Variants in NEIL3 observed in about 807,000 individuals in gnomAD.
The protein encoded by NEIL3 is nei like DNA glycosylase 3.
Under a neutral mutation model 57.5 loss-of-function variants are expected in NEIL3, and 48 were observed. The observed-to-expected ratio is 0.83, with a 90% CI of 0.66 to 1.06. NEIL3 has a LOEUF of 1.06. Among genes scored for constraint, NEIL3 ranks in the 50% least tolerant of loss-of-function variants. The pLI is 0.00. For missense variants in NEIL3, 717 were observed against 739.1 expected, an observed-to-expected ratio of 0.97 and a Z score of 0.35; for synonymous variants, 261 against 253.2, an observed-to-expected ratio of 1.03 and a Z score of -0.29.
intron 2 of NEIL3, among the ~76,000 whole-genome samples, chr4:177,327,322 C>T (rs1488855665): frequency 2.6e-5 from 4 of 152,128 alleles, no homozygotes; most frequent in Admixed American, 2.0e-4. Context: ...TAGTTCTAGT[C>T]GCTTTTTCTT....
chr4:177,368,159 GA>G, the NEIL3 span, among the ~76,000 whole-genome samples: 1 of 152,006 alleles, frequency 6.6e-6, no homozygotes, highest in Non-Finnish European at 1.5e-5. Context: ...AAAATAAAGG[GA>G]AAAAATACAC....
intron 8 of NEIL3, among the ~76,000 whole-genome samples, chr4:177,359,292 T>C (rs957609901): frequency 6.6e-6 from 1 of 152,228 alleles, no homozygotes; most frequent in Non-Finnish European, 1.5e-5. Context: ...CAAATGGCTA[T>C]TGAAGAAACC....
chr4:177,349,095 G>A (rs1162207344), intron 6 of NEIL3, among the ~76,000 whole-genome samples: 4 of 145,302 alleles, frequency 2.8e-5, no homozygotes, highest in Non-Finnish European at 6.0e-5. Context: ...TGTTAGCCAG[G>A]ATGGTCTCGA....
chr4:177,329,096 T>C (rs567863965), intron 2 of NEIL3, among the ~76,000 whole-genome samples: 1 of 151,890 alleles, frequency 6.6e-6, no homozygotes, highest in East Asian at 1.9e-4. Context: ...GAGCAACTAC[T>C]TAAAAAAATT....
chr4:177,339,990 CATT>C (rs1219994282), intron 5 of NEIL3, 133 bp downstream of exon 5: 12 of 630,756 alleles, frequency 1.9e-5, no homozygotes, highest in Middle Eastern at 2.6e-4. Flanking sequence ...GGGAGAGTGA[CATT>C]ATGTGGGTGT....
Position 177,309,929 on chromosome 4 carries a change from G to A in NEIL3, c.-25G>A. Reference sequence around the variant, plus strand: ...GTATTCTCACCAGGCCCTGCAATCGGTGGGCCACAGTGCCGGCCACAGAGA... The same window carrying A: ...GTATTCTCACCAGGCCCTGCAATCGATGGGCCACAGTGCCGGCCACAGAGA... On this transcript the variant is annotated 5_prime_UTR_variant, in exon 1 of 10. The change creates a new upstream start codon in the 5' untranslated region. Coordinates refer to ENST00000264596, the MANE Select transcript of NEIL3 (RefSeq NM_018248.3). The A allele has an allele frequency of 6.2e-7, 1 of 1,600,868 alleles. No homozygotes were observed. The highest frequency in any genetic ancestry group is 8.5e-7 in the Non-Finnish European group (1 of 1,174,754).
chr4:177,333,526 T>A (rs970654884), intron 2 of NEIL3, among the ~76,000 whole-genome samples: 5 of 152,188 alleles, frequency 3.3e-5, no homozygotes, highest in Admixed American at 3.3e-4. Context: ...AAAAAGTGTA[T>A]GAAGTATCTT....
At chr4:177,352,235 T>C (rs1410725880) in intron 7 of NEIL3, among the ~76,000 whole-genome samples, 1 of 152,220 alleles carries the variant, frequency 6.6e-6, no homozygotes, top group Non-Finnish European at 1.5e-5. Context: ...AACTGTCATA[T>C]TGTGTTTTGT....
chr4:177,336,335 A>G lies in NEIL3; in HGVS notation c.627+14A>G. 6.2e-7 allele frequency: 1 copy of G among 1,603,254 alleles called. No homozygotes were observed. The highest frequency in any genetic ancestry group is 8.5e-7 in the Non-Finnish European group (1 of 1,172,228). On this transcript the variant is annotated intron_variant, in intron 4 of 9. Transcript: ENST00000264596. ...CCAGCTGTTAAAGTAAGTTTTAAGT[A>G]TTTTTTTAATTATCTGTTGATTTTT...
intron 9 of NEIL3, 57 bp downstream of exon 9, chr4:177,360,734 T>C (rs974886867): frequency 3.8e-6 from 5 of 1,326,662 alleles, no homozygotes; most frequent in African/African-American, 1.5e-5. Flanking sequence ...TGGTTATTAA[T>C]GTATAACAAA....
In NEIL3 at chr4:177,316,023, C is replaced by T. The variant is rs565388611; in HGVS notation, c.156+5914C>T. 2.6e-5 allele frequency among the ~76,000 whole-genome samples: 4 copies of T among 152,280 alleles called. No individual in the cohort carries two copies. In the East Asian group the frequency reaches 7.7e-4, roughly 29 times the overall value. ...GAATGCCAGAAACCATGCATAGTAT[C>T]GAACCCTATATATGCTATCTTTTTT... On this transcript the variant is annotated intron_variant, in intron 1 of 9. Coordinates refer to ENST00000264596, the MANE Select transcript of NEIL3 (RefSeq NM_018248.3).
chr4:177,341,631 T>G lies in NEIL3; in HGVS notation c.858T>G (p.His286Gln). 1 of 1,612,792 alleles carries G rather than the reference T, an allele frequency of 6.2e-7. No individual in the cohort carries two copies. The highest frequency in any genetic ancestry group is 8.5e-7 in the Non-Finnish European group (1 of 1,179,422). The change falls in exon 6 of 10, where the codon CAT becomes CAG. Residue 286 changes from histidine to glutamine, a missense_variant. Coordinates refer to ENST00000264596, the MANE Select transcript of NEIL3 (RefSeq NM_018248.3). Reference protein sequence around the residue: ...CPHCQKENPQHVDICKLPTRN... With the variant: ...CPHCQKENPQQVDICKLPTRN... ...ACTGTCAAAAAGAAAATCCTCAACA[T>G]GTTGACATATGGTAAGATATTGAAT...
intron 2 of NEIL3, among the ~76,000 whole-genome samples, chr4:177,332,704 A>C (rs1434364594): frequency 6.6e-6 from 1 of 152,012 alleles, no homozygotes; most frequent in Non-Finnish European, 1.5e-5. Context: ...GGGGATTCTA[A>C]ACTGTTACAC....
chr4:177,347,874 G>C (rs1351469389), intron 6 of NEIL3, among the ~76,000 whole-genome samples: 1 of 152,108 alleles, frequency 6.6e-6, no homozygotes, highest in Non-Finnish European at 1.5e-5. Context: ...AGAAAAATGA[G>C]ATATTATTAG....
chr4:177,342,165 A>G (rs1242281904), intron 6 of NEIL3, among the ~76,000 whole-genome samples: 1 of 152,230 alleles, frequency 6.6e-6, no homozygotes, highest in Non-Finnish European at 1.5e-5. Context: ...TGTGAGAAGT[A>G]TTTGGGCTAA....
In NEIL3 at chr4:177,326,066, A is replaced by AT. The variant is rs562303294; in HGVS notation, c.278+3495dup. Among the ~76,000 whole-genome samples the AT allele has an allele frequency of 1.5e-4, 22 of 151,690 alleles. No homozygotes were observed. In the East Asian group the frequency reaches 2.9e-3, roughly 20 times the overall value. On this transcript the variant is annotated intron_variant, in intron 2 of 9. Coordinates refer to ENST00000264596, the MANE Select transcript of NEIL3 (RefSeq NM_018248.3). ...AGTTTGATGAAACCTAATTTATCAA[A>AT]TTTTTTTTTCATGGTTCATTCATAC...
In NEIL3 at chr4:177,310,108, A is replaced by G; in HGVS notation, c.155A>G (p.Gln52Arg). ...GCCTCCACGGTTGTGGTCTCCCCGCAGGTGAGCTACTCCTGTAACAGGCCA... is the reference window on the plus strand; with the variant it reads ...GCCTCCACGGTTGTGGTCTCCCCGCGGGTGAGCTACTCCTGTAACAGGCCA... Reference protein sequence around the residue: ...LAASTVVVSPQAAALNNDSSQ... With the variant: ...LAASTVVVSPRAAALNNDSSQ... The change falls in exon 1 of 10, where the codon CAG becomes CGG. Residue 52 changes from glutamine to arginine, a missense_variant and splice_region_variant. Transcript: ENST00000264596. The G allele has an allele frequency of 6.3e-7, 1 of 1,575,914 alleles. No individual in the cohort carries two copies. The highest frequency in any genetic ancestry group is 8.6e-7 in the Non-Finnish European group (1 of 1,164,912).
chr4:177,366,716 C>G (rs1341466568), downstream of NEIL3, among the ~76,000 whole-genome samples: 2 of 152,110 alleles, frequency 1.3e-5, no homozygotes, highest in Non-Finnish European at 2.9e-5. Flanking sequence ...CTTTTTCAAT[C>G]CCATACTCTT....
At chr4:177,356,359 G>A (rs1164825270) in intron 8 of NEIL3, among the ~76,000 whole-genome samples, 2 of 152,166 alleles carry the variant, frequency 1.3e-5, no homozygotes, top group Non-Finnish European at 2.9e-5. Flanking sequence ...GCTGCAGCCT[G>A]TGTATGTATT....
Sources: allele counts gnomAD v4.1 joint callset (sites outside exome capture counted in the v4.1 genomes callset), GRCh38; gene constraint gnomAD v4.1.1; transcripts MANE v1.5; gene names NCBI Gene and HGNC (gene_info 2026-07-23, HGNC 2026-07-21).